The following IL1RAPL2 variants were observed in gnomAD, a reference collection of about 807,000 sequenced individuals.
IL1RAPL2 encodes X-linked interleukin-1 receptor accessory protein-like 2.
In IL1RAPL2, 3 loss-of-function variants were observed where a neutral mutation model predicts 44.1. That is an observed-to-expected ratio of 0.07 (90% CI 0.03 to 0.18). The LOEUF is 0.18. Ranked by LOEUF, IL1RAPL2 falls within the 10% of genes least tolerant of loss-of-function variation. The probability of loss-of-function intolerance (pLI) is 1.00; values close to 1 mark genes in which losing one functional copy is unlikely to be tolerated. For missense variants in IL1RAPL2, 391 were observed against 496.4 expected (o/e 0.79, Z 2.02); for synonymous variants, 181 against 178.8 (o/e 1.01, Z -0.10).
At chrX:105,729,923 G>GGAAGGAA (rs1569469761) in intron 7 of IL1RAPL2, among the ~76,000 whole-genome samples, 5 of 33,779 alleles carry the variant, frequency 1.5e-4, no homozygotes, top group Non-Finnish European at 3.3e-4. Context: ...GAAGGAAGGA[G>GGAAGGAA]GGAGGGAGGG....
chrX:104,874,279 C>CCTCCCTCTCTCTCTCTCT (rs1922845416), intron 2 of IL1RAPL2, among the ~76,000 whole-genome samples: 9 of 76,321 alleles, frequency 1.2e-4, no homozygotes, highest in Non-Finnish European at 2.5e-5. Context: ...TGTCTGTATT[C>CCTCCCTCTCTCTCTCTCT]CTCTCTCTCT....
chrX:104,814,139 A>G (rs1921073257), intron 2 of IL1RAPL2, among the ~76,000 whole-genome samples: 1 of 111,655 alleles, frequency 9.0e-6, no homozygotes, highest in South Asian at 3.7e-4. Flanking sequence ...ATAGGCTAGC[A>G]CTGACCCAGG....
intron 6 of IL1RAPL2, among the ~76,000 whole-genome samples, chrX:105,617,550 A>G (rs773814459): frequency 9.0e-6 from 1 of 111,616 alleles, no homozygotes; most frequent in Non-Finnish European, 1.9e-5. Flanking sequence ...TATCCTCTCA[A>G]ATTCAGAAAG....
At chrX:104,677,673 A>G (rs1225504520) in intron 2 of IL1RAPL2, among the ~76,000 whole-genome samples, 6 of 112,409 alleles carry the variant, frequency 5.3e-5, no homozygotes, top group Non-Finnish European at 9.4e-5. Context: ...AGCCTAGGCA[A>G]TGGCGGGCGC....
chrX:105,010,744 T>C (rs376931423), intron 2 of IL1RAPL2, among the ~76,000 whole-genome samples: 1 of 111,584 alleles, frequency 9.0e-6, no homozygotes, highest in Non-Finnish European at 1.9e-5. Context: ...AAAAAGAAAT[T>C]AGCTGAAATA....
chrX:104,818,338 C>T (rs1224789085), intron 2 of IL1RAPL2, among the ~76,000 whole-genome samples: 4 of 78,098 alleles, frequency 5.1e-5, no homozygotes, highest in Non-Finnish European at 6.7e-5. Context: ...AGAGAGACTC[C>T]GTCTCAAAAA....
chrX:105,211,537 A>G (rs2033807916), intron 3 of IL1RAPL2, among the ~76,000 whole-genome samples: 1 of 111,462 alleles, frequency 9.0e-6, no homozygotes. Flanking sequence ...GTTCATTCCT[A>G]GAGACTCCTG....
At chrX:105,747,289 T>G in intron 8 of IL1RAPL2, among the ~76,000 whole-genome samples, 1 of 109,402 alleles carries the variant, frequency 9.1e-6, no homozygotes, top group Non-Finnish European at 1.9e-5. Context: ...CCCTATTCAT[T>G]GTGTGTGCCC....
intron 2 of IL1RAPL2, among the ~76,000 whole-genome samples, chrX:104,947,550 G>C: frequency 9.6e-6 from 1 of 103,759 alleles, no homozygotes; most frequent in Non-Finnish European, 2.0e-5. Context: ...ATGGTTTTAG[G>C]TCTAACATTT....
At chrX:104,835,099 A>G (rs1279081185) in intron 2 of IL1RAPL2, among the ~76,000 whole-genome samples, 2 of 111,056 alleles carry the variant, frequency 1.8e-5, no homozygotes, top group Non-Finnish European at 3.8e-5. Flanking sequence ...TCTTACTCCT[A>G]CTCCTTCATT....
At chrX:105,123,344 CTTAGT>C (rs2032944309) in intron 2 of IL1RAPL2, among the ~76,000 whole-genome samples, 1 of 110,937 alleles carries the variant, frequency 9.0e-6, no homozygotes, top group Non-Finnish European at 1.9e-5. Flanking sequence ...ATCCTAGTAG[CTTAGT>C]TTAGTTGGTG....
At chrX:104,577,043 T>A (rs1264131751) in intron 1 of IL1RAPL2, among the ~76,000 whole-genome samples, 4 of 112,378 alleles carry the variant, frequency 3.6e-5, no homozygotes, top group African/African-American at 1.3e-4. Context: ...GCAGTTGTTC[T>A]TGCCTTTGAC....
intron 5 of IL1RAPL2, among the ~76,000 whole-genome samples, chrX:105,268,523 T>C (rs951599233): frequency 9.1e-6 from 1 of 110,292 alleles, no homozygotes; most frequent in Non-Finnish European, 1.9e-5. Flanking sequence ...CCCAGCACTT[T>C]GGGAGGCCAA....
intron 1 of IL1RAPL2, among the ~76,000 whole-genome samples, chrX:104,585,312 AATATATATT>A (rs1928512094): frequency 1.4e-4 from 3 of 21,700 alleles, no homozygotes; most frequent in African/African-American, 3.3e-4. Context: ...TATATTATAT[AATATATATT>A]ATATATAATA....
At chrX:104,978,658 C>A (rs1026158535) in intron 2 of IL1RAPL2, among the ~76,000 whole-genome samples, 1 of 111,374 alleles carries the variant, frequency 9.0e-6, no homozygotes, top group Admixed American at 9.6e-5. Flanking sequence ...CATTATATAC[C>A]TGGAAAATCC....
chrX:105,290,604 A>G (rs1392009316), intron 5 of IL1RAPL2, among the ~76,000 whole-genome samples: 2 of 111,904 alleles, frequency 1.8e-5, no homozygotes, highest in South Asian at 3.7e-4. Flanking sequence ...GGTCTTCTGT[A>G]TTGGAGGAGT....
intron 2 of IL1RAPL2, among the ~76,000 whole-genome samples, chrX:105,156,926 C>G (rs774565386): frequency 9.1e-6 from 1 of 110,399 alleles, no homozygotes; most frequent in Non-Finnish European, 1.9e-5. Flanking sequence ...GCAGGACTCT[C>G]TCTCCTATGA....
chrX:105,767,755 A>G lies in IL1RAPL2; in HGVS notation c.*94A>G. 1 of 660,997 alleles carries G rather than the reference A, an allele frequency of 1.5e-6. No homozygotes were observed. Among genetic ancestry groups the G allele is most frequent in the South Asian group, 3.2e-5 (1 of 31,229 alleles). 54.5% of individuals were successfully genotyped at this position (660,997 alleles called of 1,213,427 possible). ...ACACCTAATAACGTTGTGTTAAAAAAGTGTTTGAAGAAAAAGGTACAAAAA... is the reference window on the plus strand; with the variant it reads ...ACACCTAATAACGTTGTGTTAAAAAGGTGTTTGAAGAAAAAGGTACAAAAA... On this transcript the variant is annotated 3_prime_UTR_variant, in exon 11 of 11. Transcript: ENST00000372582.
chrX:105,571,343 T>C (rs2037013025), intron 6 of IL1RAPL2, among the ~76,000 whole-genome samples: 1 of 112,143 alleles, frequency 8.9e-6, no homozygotes, highest in African/African-American at 3.2e-5. Context: ...CCTTTTTATA[T>C]TGATAAATGA....
Sources: allele counts gnomAD v4.1 joint callset (sites outside exome capture counted in the v4.1 genomes callset), GRCh38; gene constraint gnomAD v4.1.1; transcripts MANE v1.5; gene names NCBI Gene and HGNC (gene_info 2026-07-23, HGNC 2026-07-21).